Variants in NUDT3 observed in about 807,000 individuals in gnomAD.
NUDT3 encodes diphosphoinositol polyphosphate phosphohydrolase 1.
A neutral mutation model predicts 23.6 loss-of-function variants in NUDT3; 9 were observed. The observed-to-expected ratio is 0.38, with a 90% CI of 0.23 to 0.66. The LOEUF (loss-of-function observed/expected upper bound fraction) is 0.66, where lower values mean the gene tolerates loss of function less well. NUDT3 is among the 30% of genes least tolerant of loss of function. NUDT3 has a pLI of 0.52. For synonymous variants in NUDT3, 86 were observed against 82.6 expected (o/e 1.04, Z -0.22); for missense variants, 172 against 218.5 (o/e 0.79, Z 1.34).
At chr6:34,379,444 C>T (rs540003214) in intron 1 of NUDT3, among the ~76,000 whole-genome samples, 59 of 151,982 alleles carry the variant, frequency 3.9e-4, no homozygotes, top group African/African-American at 1.3e-3. Flanking sequence ...CCTGTAATCC[C>T]AGCTACTTGG....
chr6:34,286,660 C>T lies in NUDT3; in HGVS notation c.*2093G>A, dbSNP rs1423227375. The T allele has an allele frequency of 1.3e-5, 2 of 151,696 alleles. No homozygotes were observed. The highest frequency in any genetic ancestry group is 2.9e-5 in the Non-Finnish European group (2 of 67,994). 9.4% of individuals were successfully genotyped at this position (151,696 alleles called of 1,614,324 possible). ...ATTGTTCTTATCCAATGGGACCTCT[C>T]CTTGGGAATATAATTCCTTTCCCAG... On this transcript the variant is annotated 3_prime_UTR_variant, in exon 5 of 5. Coordinates refer to ENST00000607016, the MANE Select transcript of NUDT3 (RefSeq NM_006703.4).
chr6:34,340,793 G>A (rs1363598909), intron 2 of NUDT3, among the ~76,000 whole-genome samples: 1 of 152,166 alleles, frequency 6.6e-6, no homozygotes, highest in Non-Finnish European at 1.5e-5. Context: ...AAGGATTTTT[G>A]ATGGGAAACG....
intron 1 of NUDT3, among the ~76,000 whole-genome samples, chr6:34,371,714 A>G (rs762877683): frequency 6.6e-6 from 1 of 152,206 alleles, no homozygotes; most frequent in Non-Finnish European, 1.5e-5. Flanking sequence ...TAATTCTTTA[A>G]GATGGTTGGC....
chr6:34,387,500 A>C (rs1345832196), intron 1 of NUDT3, among the ~76,000 whole-genome samples: 1 of 152,066 alleles, frequency 6.6e-6, no homozygotes, highest in Non-Finnish European at 1.5e-5. Flanking sequence ...ACAAATACTA[A>C]ATAATATTTT....
chr6:34,322,743 A>AG (rs1763964632), intron 2 of NUDT3, among the ~76,000 whole-genome samples: 1 of 152,246 alleles, frequency 6.6e-6, no homozygotes, highest in African/African-American at 2.4e-5. Flanking sequence ...TCATGGAATT[A>AG]TTACAAATTT....
At chr6:34,291,363 G>A (rs905556015) in intron 4 of NUDT3, among the ~76,000 whole-genome samples, 5 of 152,022 alleles carry the variant, frequency 3.3e-5, no homozygotes, top group East Asian at 3.8e-4. Flanking sequence ...TACAAAAATA[G>A]AGCTTCTGAA....
At chr6:34,373,458 T>C (rs539554419) in intron 1 of NUDT3, among the ~76,000 whole-genome samples, 2 of 152,164 alleles carry the variant, frequency 1.3e-5, no homozygotes, top group Admixed American at 6.6e-5. Context: ...AGGCCTATTG[T>C]GTATGGAGCA....
intron 1 of NUDT3, among the ~76,000 whole-genome samples, chr6:34,385,222 C>T (rs1765085790): frequency 6.6e-6 from 1 of 151,572 alleles, no homozygotes; most frequent in Non-Finnish European, 1.5e-5. Context: ...TTTGGGAGGC[C>T]AAGAAGGGAG....
intron 3 of NUDT3, among the ~76,000 whole-genome samples, chr6:34,295,185 T>C (rs927621105): frequency 6.6e-6 from 1 of 152,098 alleles, no homozygotes. Context: ...TTCTTTCTTT[T>C]TTTTTTAAAG....
intron 4 of NUDT3, among the ~76,000 whole-genome samples, chr6:34,289,773 A>C (rs76518074): frequency 0.083 from 12,613 of 152,174 alleles, 701 homozygotes; most frequent in Non-Finnish European, 0.12. Context: ...CCATGCTTTA[A>C]AATCCTTTAT....
At chr6:34,330,830 A>C (rs536244137) in intron 2 of NUDT3, among the ~76,000 whole-genome samples, 1 of 152,294 alleles carries the variant, frequency 6.6e-6, no homozygotes, top group East Asian at 1.9e-4. Context: ...AGAAAAGAAA[A>C]TACAAATGGA....
At chr6:34,352,765 C>T (rs1764497119) in intron 1 of NUDT3, among the ~76,000 whole-genome samples, 1 of 152,164 alleles carries the variant, frequency 6.6e-6, no homozygotes, top group African/African-American at 2.4e-5. Context: ...ACACTGTCAT[C>T]TTTATAGAGG....
intron 1 of NUDT3, among the ~76,000 whole-genome samples, chr6:34,362,415 A>C (rs1441841963): frequency 6.6e-6 from 1 of 152,056 alleles, no homozygotes; most frequent in Non-Finnish European, 1.5e-5. Flanking sequence ...GCCTTAAGAG[A>C]TCCTCCTGCC....
rs117524981 is a variant in NUDT3 at position 34,363,218 on chromosome 6, G to A, written c.100-21246C>T. Among the ~76,000 whole-genome samples the A allele has an allele frequency of 1.2e-3, 183 of 152,234 alleles. 1 individual carries two copies. In the East Asian group the frequency reaches 0.013, roughly 11 times the overall value. ...GGTTGCATAATATGCTAACAGCTAC[G>A]CCAAAGTTTATTGGGTTCTAGGGCA... On this transcript the variant is annotated intron_variant, in intron 1 of 4. Coordinates refer to ENST00000607016, the MANE Select transcript of NUDT3 (RefSeq NM_006703.4).
intron 1 of NUDT3, among the ~76,000 whole-genome samples, chr6:34,373,400 T>TG (rs200902848): frequency 8.7e-6 from 1 of 115,336 alleles, no homozygotes; most frequent in African/African-American, 4.5e-5. Flanking sequence ...TCATACGTTT[T>TG]GGGGGGAAAC....
chr6:34,382,323 C>T (rs972573500), intron 1 of NUDT3, among the ~76,000 whole-genome samples: 8 of 151,338 alleles, frequency 5.3e-5, no homozygotes, highest in Admixed American at 1.3e-4. Context: ...GCATCACTTG[C>T]GCCCGGAAGG....
At chr6:34,388,899 A>G (rs1475529108) in intron 1 of NUDT3, among the ~76,000 whole-genome samples, 1 of 152,240 alleles carries the variant, frequency 6.6e-6, no homozygotes, top group Non-Finnish European at 1.5e-5. Flanking sequence ...TCCTCGGCTC[A>G]TTAGCCAACG....
At chr6:34,354,749 A>ATATATATTTATATATATTTATT (rs570166534) in intron 1 of NUDT3, among the ~76,000 whole-genome samples, 1 of 144,540 alleles carries the variant, frequency 6.9e-6, no homozygotes, top group Non-Finnish European at 1.5e-5. Context: ...ATATATATAT[A>ATATATATTTATATATATTTATT]TATTTATTTA....
At chr6:34,351,670 G>C (rs1272592742) in intron 1 of NUDT3, among the ~76,000 whole-genome samples, 1 of 146,914 alleles carries the variant, frequency 6.8e-6, no homozygotes, top group African/African-American at 2.6e-5. Context: ...GGACCCAGGA[G>C]GTGGAGGTTG....
Sources: allele counts gnomAD v4.1 joint callset (sites outside exome capture counted in the v4.1 genomes callset), GRCh38; gene constraint gnomAD v4.1.1; transcripts MANE v1.5; gene names NCBI Gene and HGNC (gene_info 2026-07-23, HGNC 2026-07-21).